The following CRACDL variants were observed in gnomAD, a reference collection of about 807,000 sequenced individuals.
CRACDL encodes CRACD-like protein.
In CRACDL, 26 loss-of-function variants were observed where a neutral mutation model predicts 70.6. The ratio of observed to expected loss-of-function variants is 0.37; its 90% CI spans 0.27 to 0.51. The LOEUF (loss-of-function observed/expected upper bound fraction) is 0.51, where lower values mean the gene tolerates loss of function less well. CRACDL is among the 20% of genes least tolerant of loss of function. The probability of loss-of-function intolerance (pLI) is 0.94; values close to 1 mark genes in which losing one functional copy is unlikely to be tolerated. For synonymous variants in CRACDL, 618 were observed against 615.2 expected, an observed-to-expected ratio of 1.00 and a Z score of -0.07; for missense variants, 1,283 against 1,376.9, an observed-to-expected ratio of 0.93 and a Z score of 1.08.
intron 7 of CRACDL, among the ~76,000 whole-genome samples, chr2:98,812,002 T>C (rs1316349328): frequency 6.6e-6 from 1 of 152,224 alleles, no homozygotes; most frequent in East Asian, 1.9e-4. Context: ...TTTGAGACAG[T>C]GTTGCTCTGT....
chr2:98,934,116 G>C (rs1709150220), intron 1 of CRACDL, among the ~76,000 whole-genome samples: 1 of 152,016 alleles, frequency 6.6e-6, no homozygotes, highest in Admixed American at 6.5e-5. Flanking sequence ...ATTTTTGGGG[G>C]GACACAAACA....
At chr2:98,799,142 A>C (rs1703964425) in intron 7 of CRACDL, among the ~76,000 whole-genome samples, 1 of 152,126 alleles carries the variant, frequency 6.6e-6, no homozygotes, top group South Asian at 2.1e-4. Context: ...AGTGTGCTTG[A>C]GTCAGCCGGG....
intron 1 of CRACDL, among the ~76,000 whole-genome samples, chr2:98,881,575 G>C (rs1328224738): frequency 6.6e-6 from 1 of 152,184 alleles, no homozygotes; most frequent in African/African-American, 2.4e-5. Flanking sequence ...AGGCAGAGTA[G>C]AGAACCACGG....
At position 98,918,539 on chromosome 2, in the gene CRACDL, C is replaced by CG. The variant is rs1402966759; in HGVS notation, c.-11+17398_-11+17399insC. ...GGCGACAGAGCAAGATGTTGTCTAC[C>CG]AAAAAAAAAAAAAAAAAAAAAAAAA... On this transcript the variant is annotated intron_variant, in intron 1 of 9. Transcript: ENST00000397899. Among the ~76,000 whole-genome samples the CG allele has an allele frequency of 1.5e-4, 10 of 66,344 alleles. No individual in the cohort carries two copies. In the South Asian group the frequency reaches 4.9e-3, roughly 32 times the overall value. 43.5% of individuals were successfully genotyped at this position (66,344 alleles called of 152,430 possible). A position where few individuals can be genotyped will look rare whatever the true frequency, so the allele number is the denominator to read the frequency against.
At chr2:98,807,649 GTTTCT>G (rs983836961) in intron 7 of CRACDL, among the ~76,000 whole-genome samples, 9 of 152,296 alleles carry the variant, frequency 5.9e-5, no homozygotes, top group Admixed American at 2.0e-4. Flanking sequence ...TTTAACCTAA[GTTTCT>G]TTTCTTATTT....
At chr2:98,860,299 G>A (rs1425156805) in intron 1 of CRACDL, among the ~76,000 whole-genome samples, 1 of 152,176 alleles carries the variant, frequency 6.6e-6, no homozygotes, top group Non-Finnish European at 1.5e-5. Flanking sequence ...AAGCTGATCT[G>A]AAAATTTATG....
At chr2:98,915,717 G>C (rs914008507) in intron 1 of CRACDL, among the ~76,000 whole-genome samples, 10 of 152,102 alleles carry the variant, frequency 6.6e-5, no homozygotes, top group African/African-American at 2.4e-4. Context: ...GTAGGCAAGG[G>C]CATGAGTGAC....
intron 2 of CRACDL, among the ~76,000 whole-genome samples, chr2:98,845,229 G>T (rs905584976): frequency 9.6e-5 from 13 of 135,412 alleles, no homozygotes; most frequent in Admixed American, 2.4e-4. Flanking sequence ...GCAGGGTCTT[G>T]CTTGTTGCCC....
At chr2:98,915,040 C>T (rs1446326746) in intron 1 of CRACDL, among the ~76,000 whole-genome samples, 3 of 152,224 alleles carry the variant, frequency 2.0e-5, no homozygotes, top group African/African-American at 7.2e-5. Flanking sequence ...TTCACAGTCA[C>T]AGGTCCCTGC....
At chr2:98,916,465 A>T (rs1168526936) in intron 1 of CRACDL, among the ~76,000 whole-genome samples, 1 of 152,020 alleles carries the variant, frequency 6.6e-6, no homozygotes, top group Non-Finnish European at 1.5e-5. Context: ...TGCACTTTAA[A>T]TGTGTGCAGA....
In CRACDL at chr2:98,823,283, C is replaced by T. The variant is rs1231156717; in HGVS notation, c.990G>A (p.Glu330=). Residue 330 remains glutamate (E), a synonymous_variant, in exon 7 of 10, where the codon GAG becomes GAA. Coordinates refer to ENST00000397899, the MANE Select transcript of CRACDL (RefSeq NM_207362.3). The surrounding 1 kb of genome is among the most constrained non-coding windows in gnomAD (Gnocchi z 4.0). ...GGGTGGCCGGGCGGCTTGAGGGGTC[C>T]TCCCCGGGGACGCCCCCCTCCTCCA... The part of the protein sequence containing the change: ...ASVEEGGVPG[E]DPSSRPATPE... The T allele has an allele frequency of 7.1e-7, 1 of 1,415,292 alleles. No individual in the cohort carries two copies. The highest frequency in any genetic ancestry group is 9.1e-7 in the Non-Finnish European group (1 of 1,095,396). The allele number at this position is 1,415,292 out of a possible 1,614,324, so 87.7% of individuals were successfully genotyped here.
intron 2 of CRACDL, among the ~76,000 whole-genome samples, chr2:98,845,181 T>C (rs1165201676): frequency 6.7e-6 from 1 of 148,506 alleles, no homozygotes; most frequent in Non-Finnish European, 1.5e-5. Context: ...ATTTTCCTTT[T>C]CTTTTCTTTC....
At chr2:98,816,748 G>A (rs1704798339) in intron 7 of CRACDL, among the ~76,000 whole-genome samples, 1 of 152,210 alleles carries the variant, frequency 6.6e-6, no homozygotes, top group African/African-American at 2.4e-5. Flanking sequence ...AGGTTACAGT[G>A]TTGATGACAC....
chr2:98,928,942 C>T (rs1022097064), intron 1 of CRACDL, among the ~76,000 whole-genome samples: 17 of 152,216 alleles, frequency 1.1e-4, no homozygotes, highest in South Asian at 2.1e-4. Flanking sequence ...GCTCAGAGAC[C>T]GAATCACCCA....
At chr2:98,840,152 T>C (rs574748663) in intron 2 of CRACDL, among the ~76,000 whole-genome samples, 3 of 152,276 alleles carry the variant, frequency 2.0e-5, no homozygotes, top group African/African-American at 7.2e-5. Context: ...GGCAATGCAT[T>C]TCCCTCTAAG....
intron 1 of CRACDL, among the ~76,000 whole-genome samples, chr2:98,903,506 A>G (rs1212905267): frequency 1.3e-5 from 2 of 152,224 alleles, no homozygotes; most frequent in Non-Finnish European, 2.9e-5. Context: ...TCAGTGAGGC[A>G]TAAGAGCGGA....
chr2:98,845,425 G>A (rs1425019159), intron 2 of CRACDL, among the ~76,000 whole-genome samples: 1 of 151,968 alleles, frequency 6.6e-6, no homozygotes, highest in Non-Finnish European at 1.5e-5. Flanking sequence ...GAACTCCTGG[G>A]CTCAAGCAAT....
intron 1 of CRACDL, among the ~76,000 whole-genome samples, chr2:98,923,560 C>A (rs143411056): frequency 7.9e-5 from 12 of 152,326 alleles, no homozygotes; most frequent in African/African-American, 2.6e-4. Context: ...TATCCAAACA[C>A]AGATCCTTAT....
At chr2:98,873,108 C>T (rs914489630) in intron 1 of CRACDL, among the ~76,000 whole-genome samples, 8 of 152,184 alleles carry the variant, frequency 5.3e-5, no homozygotes, top group African/African-American at 1.7e-4. Context: ...CATACCTCAG[C>T]GGTTGTGAGA....
Sources: allele counts gnomAD v4.1 joint callset (sites outside exome capture counted in the v4.1 genomes callset), GRCh38; gene constraint gnomAD v4.1.1; non-coding constraint Gnocchi (gnomAD v3.1); transcripts MANE v1.5; gene names NCBI Gene and HGNC (gene_info 2026-07-23, HGNC 2026-07-21).